Variants in TIAM2 observed in about 807,000 individuals in gnomAD.
TIAM2 encodes rho guanine nucleotide exchange factor TIAM2.
In TIAM2, 80 loss-of-function variants were observed where a neutral mutation model predicts 152.9. The observed-to-expected ratio is 0.52, with a 90% CI of 0.44 to 0.63. The LOEUF is 0.63. Among genes scored for constraint, TIAM2 ranks in the 30% least tolerant of loss-of-function variants. The pLI is 0.00. For synonymous variants in TIAM2, 804 were observed against 838.0 expected (o/e 0.96, Z 0.70); for missense variants, 1,965 against 2,120.1 (o/e 0.93, Z 1.44).
intron 14 of TIAM2, among the ~76,000 whole-genome samples, chr6:155,206,482 C>G (rs944963490): frequency 5.9e-5 from 9 of 152,100 alleles, no homozygotes; most frequent in Non-Finnish European, 1.3e-4. Context: ...TGATCTGCCC[C>G]CCTCAGCCTC....
chr6:154,997,079 C>T (rs1778226416), intron 1 of TIAM2, among the ~76,000 whole-genome samples: 1 of 152,150 alleles, frequency 6.6e-6, no homozygotes. Context: ...GGCCTCCTGG[C>T]TCTCCCCCGC....
At chr6:155,158,774 A>AGT (rs1232402738) in intron 7 of TIAM2, among the ~76,000 whole-genome samples, 1 of 103,314 alleles carries the variant, frequency 9.7e-6, no homozygotes, top group African/African-American at 3.4e-5. Context: ...CCAGGCTGCA[A>AGT]GTGTTTTTTT....
At position 155,214,367 on chromosome 6, in the gene TIAM2, TG is replaced by T. The variant is rs1463802790; in HGVS notation, c.3168+3061del. Among the ~76,000 whole-genome samples the T allele has an allele frequency of 6.6e-6, 1 of 152,226 alleles. No homozygotes were observed. Among genetic ancestry groups the T allele is most frequent in the East Asian group, 1.9e-4 (1 of 5,196 alleles). The stretch of plus-strand genomic sequence containing the variant: ...CCTTTTGGGGGTTGGTGACATCCCC[TG>T]TGTGTGAGGGACCAGGTTAGAGCCT... On this transcript the variant is annotated intron_variant, in intron 15 of 26. Transcript: ENST00000682666. This position sits in a 1 kb window ranked among gnomAD's most constrained non-coding sequence, Gnocchi z 5.4.
chr6:155,008,814 G>T (rs1470767351), intron 1 of TIAM2, among the ~76,000 whole-genome samples: 3 of 152,148 alleles, frequency 2.0e-5, no homozygotes, highest in African/African-American at 7.2e-5. Flanking sequence ...AGAAAAATGC[G>T]CTGACTGTAC....
chr6:155,004,984 C>T (rs1057274027), intron 1 of TIAM2: 1 of 400,558 alleles, frequency 2.5e-6, no homozygotes, highest in Non-Finnish European at 4.0e-6. Flanking sequence ...CCTTCACTTA[C>T]CTTAAGCCAT....
rs1031605935 is a variant in TIAM2, at chr6:155,028,387, A to G, written c.-209+32895A>G. Among the ~76,000 whole-genome samples the G allele has an allele frequency of 3.2e-4, 33 of 102,930 alleles. 3 individuals carry two copies. Among genetic ancestry groups the G allele is most frequent in the African/African-American group, 1.5e-3 (32 of 21,806 alleles). 67.5% of individuals were successfully genotyped at this position (102,930 alleles called of 152,430 possible). On this transcript the variant is annotated intron_variant, in intron 1 of 26. Coordinates refer to ENST00000682666, the MANE Select transcript of TIAM2 (RefSeq NM_012454.4). ...ATATAATATATATACTGTGTTACAT[A>G]TATACTACATATATATACTGTGTTA...
At chr6:155,034,436 G>A (rs896728050) in intron 1 of TIAM2, among the ~76,000 whole-genome samples, 8 of 152,004 alleles carry the variant, frequency 5.3e-5, no homozygotes, top group Admixed American at 2.0e-4. Context: ...TGTATTTTGA[G>A]TAGGGATGGA....
At chr6:155,026,322 C>G (rs1214215674) in intron 1 of TIAM2, among the ~76,000 whole-genome samples, 1 of 152,190 alleles carries the variant, frequency 6.6e-6, no homozygotes, top group African/African-American at 2.4e-5. Context: ...TACAGATGAT[C>G]TTGGCGTTCT....
intron 5 of TIAM2, among the ~76,000 whole-genome samples, chr6:155,140,585 AGAGAGAG>A (rs1562329650): frequency 2.3e-3 from 334 of 144,232 alleles, no homozygotes; most frequent in African/African-American, 8.7e-3. Flanking sequence ...AGAGAGAGAG[AGAGAGAG>A]AGAGAGAGAG....
chr6:155,004,091 G>A (rs932733129), intron 1 of TIAM2, among the ~76,000 whole-genome samples: 5 of 152,218 alleles, frequency 3.3e-5, no homozygotes, highest in African/African-American at 1.2e-4. Flanking sequence ...TGGCCAGGCT[G>A]TCCTGAACTC....
intron 1 of TIAM2, among the ~76,000 whole-genome samples, chr6:155,035,807 G>A (rs1776911675): frequency 6.6e-6 from 1 of 152,166 alleles, no homozygotes; most frequent in Admixed American, 6.6e-5. Flanking sequence ...ATTAATTCTG[G>A]GACAGGGTCA....
At chr6:155,245,093 G>A (rs1783244005) in intron 18 of TIAM2, among the ~76,000 whole-genome samples, 1 of 152,166 alleles carries the variant, frequency 6.6e-6, no homozygotes, top group South Asian at 2.1e-4. Flanking sequence ...TCTGAAACCA[G>A]AGCTCCTACC....
intron 17 of TIAM2, 105 bp downstream of exon 17, chr6:155,244,184 T>A: frequency 8.9e-7 from 1 of 1,120,682 alleles, no homozygotes; most frequent in Admixed American, 1.9e-5. Flanking sequence ...CAAAAGAACA[T>A]CCCAAGACTT....
intron 1 of TIAM2, among the ~76,000 whole-genome samples, chr6:155,010,546 C>T (rs1778468254): frequency 1.3e-5 from 2 of 152,266 alleles, no homozygotes; most frequent in South Asian, 4.2e-4. Context: ...GCCTGTGCCT[C>T]CTGGGTTCAA....
chr6:155,137,058 A>G (rs1270267567), intron 4 of TIAM2, 119 bp from the exon 5 acceptor site: 3 of 1,090,932 alleles, frequency 2.7e-6, no homozygotes, highest in Admixed American at 2.9e-5. Flanking sequence ...TTTTGTTACA[A>G]GAATCTTGCT....
intron 2 of TIAM2, among the ~76,000 whole-genome samples, chr6:155,114,390 A>C (rs977547837): frequency 6.6e-6 from 1 of 151,912 alleles, no homozygotes; most frequent in Non-Finnish European, 1.5e-5. Context: ...CATAATATTT[A>C]AATTACTTAG....
intron 15 of TIAM2, among the ~76,000 whole-genome samples, chr6:155,230,301 T>C (rs112897307): frequency 0.012 from 1,859 of 152,336 alleles, 33 homozygotes; most frequent in Non-Finnish European, 0.015. Context: ...TGCCTCTCTG[T>C]CCTGCCTTGG....
intron 12 of TIAM2, among the ~76,000 whole-genome samples, chr6:155,179,771 A>G (rs1230770944): frequency 3.3e-5 from 5 of 152,212 alleles, no homozygotes; most frequent in African/African-American, 4.8e-5. Flanking sequence ...AGACCAACTC[A>G]TGATTCATAT....
intron 1 of TIAM2, among the ~76,000 whole-genome samples, chr6:155,019,516 T>G (rs552348431): frequency 8.1e-4 from 123 of 152,216 alleles, no homozygotes; most frequent in Non-Finnish European, 1.4e-3. Context: ...AAACTCTTAG[T>G]TTTGGGTAGA....
Sources: allele counts gnomAD v4.1 joint callset (sites outside exome capture counted in the v4.1 genomes callset), GRCh38; gene constraint gnomAD v4.1.1; non-coding constraint Gnocchi (gnomAD v3.1); transcripts MANE v1.5; gene names NCBI Gene and HGNC (gene_info 2026-07-23, HGNC 2026-07-21).